CWH43: variants seen among roughly 807,000 people sequenced by gnomAD.
CWH43 encodes PGAP2-interacting protein.
A neutral mutation model predicts 85.7 loss-of-function variants in CWH43; 91 were observed. The ratio of observed to expected loss-of-function variants is 1.06; its 90% CI spans 0.90 to 1.26. The LOEUF (loss-of-function observed/expected upper bound fraction) is 1.26. Ranked by LOEUF, CWH43 falls within the 50% of genes most tolerant of loss-of-function variation. The pLI, the probability that CWH43 is intolerant of heterozygous loss-of-function variation, is 0.00. For synonymous variants in CWH43, 323 were observed against 293.6 expected, an observed-to-expected ratio of 1.10 and a Z score of -1.02; for missense variants, 869 against 839.2, an observed-to-expected ratio of 1.04 and a Z score of -0.44.
chr4:49,033,286 G>A (rs1784160095), intron 12 of CWH43, among the ~76,000 whole-genome samples: 1 of 152,352 alleles, frequency 6.6e-6, no homozygotes, highest in South Asian at 2.1e-4. Flanking sequence ...ATAGGCAGAG[G>A]AATCTGGAAG....
chr4:49,036,835 C>A (rs1333246664), intron 12 of CWH43, among the ~76,000 whole-genome samples: 1 of 152,156 alleles, frequency 6.6e-6, no homozygotes, highest in Non-Finnish European at 1.5e-5. Flanking sequence ...CTGGGAGGAG[C>A]TGAGTCTCTT....
chr4:49,015,732 C>T (rs1783523207), intron 8 of CWH43, among the ~76,000 whole-genome samples: 1 of 151,978 alleles, frequency 6.6e-6, no homozygotes, highest in Non-Finnish European at 1.5e-5. Context: ...TATTTTCTGC[C>T]TCTATGTTTT....
chr4:49,035,545 G>A (rs934362534), intron 12 of CWH43, among the ~76,000 whole-genome samples: 12 of 152,264 alleles, frequency 7.9e-5, no homozygotes, highest in South Asian at 6.2e-4. Flanking sequence ...GTTCCGTGGC[G>A]GTTAACCTTG....
chr4:48,990,762 C>T (rs1410701401), intron 2 of CWH43, among the ~76,000 whole-genome samples: 1 of 152,170 alleles, frequency 6.6e-6, no homozygotes, highest in African/African-American at 2.4e-5. Context: ...TATGATCTAA[C>T]AACTCTATTC....
intron 13 of CWH43, among the ~76,000 whole-genome samples, chr4:49,044,337 A>ATTAGTTGATAAAATT (rs1784555442): frequency 6.6e-6 from 1 of 152,174 alleles, no homozygotes; most frequent in Non-Finnish European, 1.5e-5. Flanking sequence ...GGTTGGACAA[A>ATTAGTTGATAAAATT]AGTGATTAAG....
intron 8 of CWH43, among the ~76,000 whole-genome samples, chr4:49,014,752 A>G (rs368505832): frequency 1.3e-5 from 2 of 152,154 alleles, no homozygotes; most frequent in African/African-American, 4.8e-5. Context: ...TCATAGGAAA[A>G]TTATATGGAA....
intron 12 of CWH43, among the ~76,000 whole-genome samples, chr4:49,036,730 G>A (rs1237321635): frequency 6.6e-5 from 10 of 152,168 alleles, no homozygotes; most frequent in East Asian, 5.8e-4. Flanking sequence ...TGGCTTCTGG[G>A]TAGGTTTAGC....
At chr4:49,005,462 A>G (rs1783125736) in intron 7 of CWH43, among the ~76,000 whole-genome samples, 1 of 152,146 alleles carries the variant, frequency 6.6e-6, no homozygotes, top group Non-Finnish European at 1.5e-5. Context: ...AATGGGGGAA[A>G]CATCATATAT....
chr4:49,032,969 C>G (rs1360820429), intron 12 of CWH43, among the ~76,000 whole-genome samples: 2 of 152,082 alleles, frequency 1.3e-5, no homozygotes, highest in East Asian at 3.9e-4. Flanking sequence ...CAGGGGCTGT[C>G]CAAAGTGCAT....
At chr4:48,998,809 C>G (rs1782899451) in intron 6 of CWH43, among the ~76,000 whole-genome samples, 1 of 152,140 alleles carries the variant, frequency 6.6e-6, no homozygotes, top group Non-Finnish European at 1.5e-5. Flanking sequence ...TGCCATAATA[C>G]TACCTACTCC....
At chr4:49,059,220 T>C (rs1432499841) in intron 15 of CWH43, among the ~76,000 whole-genome samples, 1 of 152,186 alleles carries the variant, frequency 6.6e-6, no homozygotes, top group Non-Finnish European at 1.5e-5. Context: ...TTGTTCTCCT[T>C]GATTGAGTCT....
chr4:48,993,617 G>C (rs1331526570), intron 4 of CWH43, among the ~76,000 whole-genome samples: 5 of 152,208 alleles, frequency 3.3e-5, no homozygotes, highest in Admixed American at 3.3e-4. Flanking sequence ...AGTTTTGTGT[G>C]TGAAGTCATT....
At chr4:49,044,693 G>T in intron 13 of CWH43, 93 bp from the exon 14 acceptor site, 1 of 920,318 alleles carries the variant, frequency 1.1e-6, no homozygotes. Flanking sequence ...TGTACAAAGA[G>T]ATATTTATCA....
At chr4:49,039,923 G>A (rs1784404683) in intron 13 of CWH43, among the ~76,000 whole-genome samples, 1 of 151,806 alleles carries the variant, frequency 6.6e-6, no homozygotes, top group Non-Finnish European at 1.5e-5. Flanking sequence ...AGTCTCCAGA[G>A]TGTGATGTTC....
In CWH43 at chr4:49,061,920, G is replaced by GA. The variant is rs559258127; in HGVS notation, c.*34dup. On this transcript the variant is annotated 3_prime_UTR_variant, in exon 16 of 16. Coordinates refer to ENST00000226432, the MANE Select transcript of CWH43 (RefSeq NM_025087.3). ...TTTAAAACAAGAAGTTATTGGCTGG[G>GA]AAAATCTAAGAAAAAAAGTATGTAA... 7.8e-7 allele frequency: 1 copy of GA among 1,285,682 alleles called. No individual in the cohort carries two copies. Among genetic ancestry groups the GA allele is most frequent in the Admixed American group, 3.1e-5 (1 of 31,788 alleles). 79.6% of individuals were successfully genotyped at this position (1,285,682 alleles called of 1,614,324 possible). A position where few individuals can be genotyped will look rare whatever the true frequency, so the allele number is the denominator to read the frequency against.
At chr4:49,043,945 G>A (rs1784544941) in intron 13 of CWH43, among the ~76,000 whole-genome samples, 1 of 151,762 alleles carries the variant, frequency 6.6e-6, no homozygotes, top group African/African-American at 2.4e-5. Context: ...CTACCACTAA[G>A]CTTAAGAAAA....
chr4:49,038,531 C>T (rs1784334697), intron 13 of CWH43, among the ~76,000 whole-genome samples: 1 of 152,182 alleles, frequency 6.6e-6, no homozygotes. Flanking sequence ...AGGCTTCCTC[C>T]CTGCATGGTG....
chr4:49,017,376 G>A, intron 9 of CWH43, 48 bp downstream of exon 9: 5 of 1,299,396 alleles, frequency 3.8e-6, no homozygotes, highest in South Asian at 1.3e-5. Flanking sequence ...GTATATATAT[G>A]TGCATATATT....
intron 15 of CWH43, among the ~76,000 whole-genome samples, chr4:49,061,160 G>T (rs1560521130): frequency 6.6e-6 from 1 of 152,190 alleles, no homozygotes; most frequent in Non-Finnish European, 1.5e-5. Flanking sequence ...CTTCCTTAGG[G>T]TCTAGCTCTA....
Sources: gnomAD v4.1 joint callset for allele counts (sites outside exome capture counted in the v4.1 genomes callset) on GRCh38, gnomAD v4.1.1 for gene constraint, MANE v1.5 for transcripts, NCBI Gene and HGNC (gene_info 2026-07-23, HGNC 2026-07-21) for gene names.